CCL16: variants seen among roughly 807,000 people sequenced by gnomAD.
CCL16 encodes C-C motif chemokine ligand 16, also known as C-C motif chemokine 16.
Under a neutral mutation model 7.5 loss-of-function variants are expected in CCL16, and 6 were observed. That is an observed-to-expected ratio of 0.80 (90% CI 0.44 to 1.57). The LOEUF is 1.57. Ranked by LOEUF, CCL16 falls within the 40% of genes most tolerant of loss-of-function variation. The pLI is 0.01. For missense variants in CCL16, 134 were observed against 142.9 expected (o/e 0.94, Z 0.32); for synonymous variants, 60 against 57.7 (o/e 1.04, Z -0.18).
At chr17:35,981,303 C>G (rs2089679021) in intron 1 of CCL16, 42 bp downstream of exon 1, 1 of 1,447,732 alleles carries the variant, frequency 6.9e-7, no homozygotes, top group East Asian at 2.3e-5. Flanking sequence ...GCTGCTCCAT[C>G]CCCCTTTCTC....
At chr17:35,980,962 G>T (rs1026958952) in intron 1 of CCL16, among the ~76,000 whole-genome samples, 1 of 151,990 alleles carries the variant, frequency 6.6e-6, no homozygotes, top group Non-Finnish European at 1.5e-5. Context: ...CCTTCCTCTC[G>T]CCACTCATTC....
chr17:35,978,273 T>A lies in CCL16; in HGVS notation c.77-10A>T. The A allele has an allele frequency of 3.7e-6, 6 of 1,614,178 alleles. No individual in the cohort carries two copies. Among genetic ancestry groups the A allele is most frequent in the Non-Finnish European group, 5.1e-6 (6 of 1,180,010 alleles). ...ACCCACTCAGGAACTTCTGAAGGAATCACATTGCAAGCTGAGCCAGGGAAG... is the reference window on the plus strand; with the variant it reads ...ACCCACTCAGGAACTTCTGAAGGAAACACATTGCAAGCTGAGCCAGGGAAG... On this transcript the variant is annotated splice_polypyrimidine_tract_variant and intron_variant, in intron 1 of 2. Coordinates refer to ENST00000611905, the MANE Select transcript of CCL16 (RefSeq NM_004590.4).
chr17:35,979,864 C>A (rs1249275224), intron 1 of CCL16, among the ~76,000 whole-genome samples: 3 of 152,182 alleles, frequency 2.0e-5, no homozygotes, highest in Admixed American at 6.5e-5. Flanking sequence ...AGATCTCTCC[C>A]AGCCCCCAAA....
intron 1 of CCL16, 139 bp from the exon 2 acceptor site, chr17:35,978,402 G>A: frequency 1.8e-6 from 2 of 1,112,774 alleles, no homozygotes; most frequent in Non-Finnish European, 1.3e-6. Context: ...AGCTTGACTG[G>A]TAATGAAGTG....
chr17:35,977,001 T>G lies in CCL16; in HGVS notation c.*565A>C, dbSNP rs1354172117. ...ATTGAAAGAGAGCAGGAGAAGGATGTGAAATATATTTTTCTGTGTATTAAG... is the reference window on the plus strand; with the variant it reads ...ATTGAAAGAGAGCAGGAGAAGGATGGGAAATATATTTTTCTGTGTATTAAG... On this transcript the variant is annotated 3_prime_UTR_variant, in exon 3 of 3. Transcript: ENST00000611905. 2 of 152,290 alleles carry G rather than the reference T, an allele frequency of 1.3e-5. No individual in the cohort carries two copies. Among genetic ancestry groups the G allele is most frequent in the Non-Finnish European group, 2.9e-5 (2 of 68,144 alleles). 9.4% of individuals were successfully genotyped at this position (152,290 alleles called of 1,614,324 possible). A position where few individuals can be genotyped will look rare whatever the true frequency, so the allele number is the denominator to read the frequency against.
rs116518274 is a variant in CCL16, at chr17:35,981,364, C to T, written c.57G>A (p.Ser19=). The change falls in exon 1 of 3, where the codon TCG becomes TCA. Residue 19 remains serine (S), a synonymous_variant. Coordinates refer to ENST00000611905, the MANE Select transcript of CCL16 (RefSeq NM_004590.4). ...ACTCACTTGGCTGGCTGCGAGAAGCCGAAGTAATGATAAGGATGAGGACAA... is the reference window on the plus strand; with the variant it reads ...ACTCACTTGGCTGGCTGCGAGAAGCTGAAGTAATGATAAGGATGAGGACAA... The part of the protein sequence containing the change: ...SLLVLILIIT[S]ASRSQPKVPE... The T allele has an allele frequency of 4.4e-3, 7,070 of 1,612,662 alleles. 286 individuals are homozygous for T. In the African/African-American group the frequency reaches 0.084, roughly 19 times the overall value.
Position 35,981,455 on chromosome 17 carries a change from C to G in CCL16, c.-35G>C. 1 of 1,509,796 alleles carries G rather than the reference C, an allele frequency of 6.6e-7. No homozygotes were observed. Among genetic ancestry groups the G allele is most frequent in the Non-Finnish European group, 9.1e-7 (1 of 1,095,176 alleles). The allele number at this position is 1,509,796 out of a possible 1,614,324, so 93.5% of individuals were successfully genotyped here. A position where few individuals can be genotyped will look rare whatever the true frequency, so the allele number is the denominator to read the frequency against. ...GAGGCAGTACAGCTTCAGGGAGAGC[C>G]GAATGAAGATGTTGTCTGTTGCTGG... is the stretch of plus-strand genomic sequence containing the variant. On this transcript the variant is annotated 5_prime_UTR_variant, in exon 1 of 3. Transcript: ENST00000611905.
At position 35,977,648 on chromosome 17, in the gene CCL16, G is replaced by C; in HGVS notation, c.281C>G (p.Pro94Arg). 1 of 1,612,412 alleles carries C rather than the reference G, an allele frequency of 6.2e-7. No homozygotes were observed. Among genetic ancestry groups the C allele is most frequent in the Non-Finnish European group, 8.5e-7 (1 of 1,180,004 alleles). The change falls in exon 3 of 3, where the codon CCT becomes CGT. Residue 94 changes from proline (P) to arginine (R), a missense_variant. Transcript: ENST00000611905. ...VQEYIKDPNL[P>R]LLPTRNLSTV... ...GGACAAGTTCCTGGTAGGCAGCAAA[G>C]GTAGGTTGGGATCCTTGATGTACTC... is the stretch of plus-strand genomic sequence containing the variant.
Position 35,977,546 on chromosome 17 carries a change from C to T in CCL16, c.*20G>A. On this transcript the variant is annotated 3_prime_UTR_variant, in exon 3 of 3. Coordinates refer to ENST00000611905, the MANE Select transcript of CCL16 (RefSeq NM_004590.4). ...TACCCCTCTCTTCTGTAAACAAGGG[C>T]TTCCACTAAAGCCTGGTCATCACTG... 6.2e-6 allele frequency: 10 copies of T among 1,610,332 alleles called. No homozygotes were observed. The highest frequency in any genetic ancestry group is 8.5e-6 in the Non-Finnish European group (10 of 1,178,694).
Position 35,977,702 on chromosome 17 carries a change from C to T in CCL16, c.227G>A (p.Cys76Tyr). 6.2e-7 allele frequency: 1 copy of T among 1,612,166 alleles called. No homozygotes were observed. The highest frequency in any genetic ancestry group is 8.5e-7 in the Non-Finnish European group (1 of 1,179,964). The stretch of plus-strand genomic sequence containing the variant: ...GACCCAGTCGTCATTGGGGTTGGTG[C>T]AGACTTCTCGGTTCCTCTTGGTGAC... ...IFVTKRNREV[C>Y]TNPNDDWVQE... The change falls in exon 3 of 3, where the codon TGC becomes TAC. Residue 76 changes from cysteine (C) to tyrosine (Y), a missense_variant. By Grantham distance (194) the Cys-to-Tyr change is radical. Transcript: ENST00000611905.
intron 2 of CCL16, 30 bp downstream of exon 2, chr17:35,978,113 C>G (rs915531019): frequency 6.2e-7 from 1 of 1,614,124 alleles, no homozygotes; most frequent in Admixed American, 1.7e-5. Context: ...CTGTCCCTCT[C>G]CACAGAAATA....
At chr17:35,978,410 G>T (rs2089656920) in intron 1 of CCL16, 147 bp from the exon 2 acceptor site, 3 of 1,067,540 alleles carry the variant, frequency 2.8e-6, no homozygotes, top group African/African-American at 3.1e-5. Flanking sequence ...TGGTAATGAA[G>T]TGCATAAGAT....
chr17:35,981,314 G>A lies in CCL16; in HGVS notation c.76+31C>T, dbSNP rs200938478. 73 of 1,542,218 alleles carry A rather than the reference G, an allele frequency of 4.7e-5. No individual in the cohort carries two copies. In the East Asian group the frequency reaches 1.2e-3, roughly 26 times the overall value. On this transcript the variant is annotated intron_variant, in intron 1 of 2. Transcript: ENST00000611905. ...GCCAGCTGCTCCATCCCCCTTTCTC[G>A]TTCCTGCCCTACAGAGACAAGTGGA...
rs2089642925 is a variant in CCL16, at chr17:35,977,107, C to G, written c.*459G>C. The stretch of plus-strand genomic sequence containing the variant: ...CTGAGGCAGGTGGATTGCTTGGGCA[C>G]ACGAGTTTGAGACCAGCCTGGGCAA... On this transcript the variant is annotated 3_prime_UTR_variant, in exon 3 of 3. Coordinates refer to ENST00000611905, the MANE Select transcript of CCL16 (RefSeq NM_004590.4). 1 of 152,872 alleles carries G rather than the reference C, an allele frequency of 6.5e-6. No homozygotes were observed. The highest frequency in any genetic ancestry group is 1.5e-5 in the Non-Finnish European group (1 of 68,564). The allele number at this position is 152,872 out of a possible 1,614,324, so 9.5% of individuals were successfully genotyped here.
chr17:35,977,237 G>A lies in CCL16; in HGVS notation c.*329C>T, dbSNP rs1287990045. Reference sequence around the variant, plus strand: ...GGAGGCTGGGGTGGGAGGATCACTTGAGCCTGGGAGGTGGAGGTTACAGTG... The same window carrying A: ...GGAGGCTGGGGTGGGAGGATCACTTAAGCCTGGGAGGTGGAGGTTACAGTG... On this transcript the variant is annotated 3_prime_UTR_variant, in exon 3 of 3. Coordinates refer to ENST00000611905, the MANE Select transcript of CCL16 (RefSeq NM_004590.4). 1 of 160,590 alleles carries A rather than the reference G, an allele frequency of 6.2e-6. No individual in the cohort carries two copies. Among genetic ancestry groups the A allele is most frequent in the Admixed American group, 6.5e-5 (1 of 15,468 alleles). The allele number at this position is 160,590 out of a possible 1,614,324, so 9.9% of individuals were successfully genotyped here.
At position 35,981,359 on chromosome 17, in the gene CCL16, G is replaced by A; in HGVS notation, c.62C>T (p.Ser21Phe). 2 of 1,612,570 alleles carry A rather than the reference G, an allele frequency of 1.2e-6. No individual in the cohort carries two copies. The highest frequency in any genetic ancestry group is 1.7e-6 in the Non-Finnish European group (2 of 1,179,270). Reference sequence around the variant, plus strand: ...AGTGGACTCACTTGGCTGGCTGCGAGAAGCCGAAGTAATGATAAGGATGAG... The same window carrying A: ...AGTGGACTCACTTGGCTGGCTGCGAAAAGCCGAAGTAATGATAAGGATGAG... ...LVLILIITSA[S>F]RSQPKVPEWV... is the part of the protein sequence containing the mutation. The change falls in exon 1 of 3, where the codon TCT becomes TTT. Residue 21 changes from serine (S) to phenylalanine (F), a missense_variant. Transcript: ENST00000611905.
chr17:35,978,334 C>A, intron 1 of CCL16, 71 bp from the exon 2 acceptor site: 4 of 1,604,476 alleles, frequency 2.5e-6, no homozygotes. Flanking sequence ...CTCTGTCTCC[C>A]ACCATTTGTG....
At chr17:35,979,173 C>A (rs971666003) in intron 1 of CCL16, among the ~76,000 whole-genome samples, 1 of 151,590 alleles carries the variant, frequency 6.6e-6, no homozygotes, top group Non-Finnish European at 1.5e-5. Context: ...CTTGTAGAAT[C>A]TGGAAGAAAG....
intron 1 of CCL16, among the ~76,000 whole-genome samples, chr17:35,980,770 T>G (rs2089675240): frequency 6.6e-6 from 1 of 152,058 alleles, no homozygotes; most frequent in African/African-American, 2.4e-5. Context: ...TTCTGCAGAT[T>G]TTATTTAGTC....
Sources: allele counts gnomAD v4.1 joint callset (sites outside exome capture counted in the v4.1 genomes callset), GRCh38; gene constraint gnomAD v4.1.1; transcripts MANE v1.5; gene names NCBI Gene and HGNC (gene_info 2026-07-23, HGNC 2026-07-21).